Variants in IKBKB observed in about 807,000 individuals in gnomAD.
IKBKB encodes the protein inhibitor of nuclear factor kappa-B kinase subunit beta.
In IKBKB, 42 loss-of-function variants were observed where a neutral mutation model predicts 113.6. That is an observed-to-expected ratio of 0.37 (90% CI 0.29 to 0.48). IKBKB has a LOEUF of 0.48. IKBKB is among the 20% of genes least tolerant of loss of function. The pLI is 0.99. For synonymous variants in IKBKB, 296 were observed against 361.3 expected, an observed-to-expected ratio of 0.82 and a Z score of 2.05; for missense variants, 673 against 939.7, an observed-to-expected ratio of 0.72 and a Z score of 3.71.
chr8:42,271,636 C>T (rs942408372), intron 1 of IKBKB, 167 bp downstream of exon 1: 16 of 546,460 alleles, frequency 2.9e-5, no homozygotes, highest in Non-Finnish European at 4.5e-5. Flanking sequence ...AGAAACAGCT[C>T]TCCCTGGGGT....
intron 9 of IKBKB, among the ~76,000 whole-genome samples, chr8:42,314,657 C>T (rs1384787990): frequency 1.3e-5 from 2 of 151,860 alleles, no homozygotes; most frequent in Non-Finnish European, 2.9e-5. Context: ...CACCTGTAAT[C>T]CCAGCTACTC....
chr8:42,323,757 C>T (rs1034214536), intron 19 of IKBKB, among the ~76,000 whole-genome samples: 6 of 152,064 alleles, frequency 3.9e-5, no homozygotes, highest in African/African-American at 7.2e-5. Context: ...AAGAGAGGAA[C>T]GGGAGAAAAC....
chr8:42,330,269 T>A, intron 21 of IKBKB: 1 of 985,024 alleles, frequency 1.0e-6, no homozygotes, highest in Non-Finnish European at 1.2e-6. Context: ...CTGTACAGTT[T>A]GAATATGTAA....
rs200750621 is a variant in IKBKB at position 42,331,423 on chromosome 8, G to T, written c.*444G>T. The T allele has an allele frequency of 2.8e-6, 2 of 702,654 alleles. No individual in the cohort carries two copies. Among genetic ancestry groups the T allele is most frequent in the South Asian group, 1.5e-5 (1 of 67,568 alleles). 43.5% of individuals were successfully genotyped at this position (702,654 alleles called of 1,614,324 possible). A position where few individuals can be genotyped will look rare whatever the true frequency, so the allele number is the denominator to read the frequency against. Reference sequence around the variant, plus strand: ...TCTTTCAGGGCAGAGTCCGAGCAGCGCTTGGTGACAGCCTGTCCTCTCCTG... The same window carrying T: ...TCTTTCAGGGCAGAGTCCGAGCAGCTCTTGGTGACAGCCTGTCCTCTCCTG... On this transcript the variant is annotated 3_prime_UTR_variant, in exon 22 of 22. Coordinates refer to ENST00000520810, the MANE Select transcript of IKBKB (RefSeq NM_001556.3).
Position 42,331,514 on chromosome 8 carries a change from TCTC to T in IKBKB, c.*538_*540del. 11 of 652,914 alleles carry T rather than the reference TCTC, an allele frequency of 1.7e-5. No individual in the cohort carries two copies. The highest frequency in any genetic ancestry group is 1.4e-5 in the Non-Finnish European group (5 of 360,480). 40.4% of individuals were successfully genotyped at this position (652,914 alleles called of 1,614,324 possible). A position where few individuals can be genotyped will look rare whatever the true frequency, so the allele number is the denominator to read the frequency against. ...GCTTGTGTTTCTTCTGGATTCAGCT[TCTC>T]CTAAACAGACAGTTTAATTATAGTT... On this transcript the variant is annotated 3_prime_UTR_variant, in exon 22 of 22. Coordinates refer to ENST00000520810, the MANE Select transcript of IKBKB (RefSeq NM_001556.3).
At chr8:42,320,259 G>T (rs1208276102) in intron 15 of IKBKB, 1 of 164,548 alleles carries the variant, frequency 6.1e-6, no homozygotes, top group East Asian at 1.9e-4. Flanking sequence ...GAGTATATGT[G>T]TGTTTAATGG....
rs200049942 is a variant in IKBKB, at chr8:42,331,646, C to T, written c.*667C>T. ...TGTCCTCTTTTCGGCAAAGTTGGAG[C>T]GAGTGCCAAGCTCTCCATCTGTGGT... On this transcript the variant is annotated 3_prime_UTR_variant, in exon 22 of 22. Coordinates refer to ENST00000520810, the MANE Select transcript of IKBKB (RefSeq NM_001556.3). The T allele has an allele frequency of 1.6e-4, 86 of 543,162 alleles. No individual in the cohort carries two copies. The highest frequency in any genetic ancestry group is 2.3e-4 in the African/African-American group (12 of 52,838). 33.6% of individuals were successfully genotyped at this position (543,162 alleles called of 1,614,324 possible).
chr8:42,287,448 CTT>C (rs1309257278), intron 2 of IKBKB, among the ~76,000 whole-genome samples: 1 of 152,270 alleles, frequency 6.6e-6, no homozygotes, highest in Non-Finnish European at 1.5e-5. Context: ...GTGAGACCCT[CTT>C]GAGCTCGGCA....
At chr8:42,328,928 T>C (rs901954278) in intron 20 of IKBKB, among the ~76,000 whole-genome samples, 196 bp from the exon 21 acceptor site, 2 of 152,230 alleles carry the variant, frequency 1.3e-5, no homozygotes, top group African/African-American at 4.8e-5. Context: ...ACAGTAACGC[T>C]CATATGTGGA....
chr8:42,277,345 G>A (rs564423083), intron 2 of IKBKB, among the ~76,000 whole-genome samples: 1 of 151,842 alleles, frequency 6.6e-6, no homozygotes, highest in Admixed American at 6.6e-5. Context: ...ACCATGCCTG[G>A]CTAGTTTTTA....
In IKBKB at chr8:42,317,641, C is replaced by T. The variant is rs760578621; in HGVS notation, c.1126-16C>T. 1 of 1,509,242 alleles carries T rather than the reference C, an allele frequency of 6.6e-7. No homozygotes were observed. The highest frequency in any genetic ancestry group is 1.1e-5 in the South Asian group (1 of 88,962). The allele number at this position is 1,509,242 out of a possible 1,614,324, so 93.5% of individuals were successfully genotyped here. A position where few individuals can be genotyped will look rare whatever the true frequency, so the allele number is the denominator to read the frequency against. ...GTTGGATCCACAAGATTCATTTTGTCCTTGTCCCTTTGCAGTTAAATGAGG... is the reference window on the plus strand; with the variant it reads ...GTTGGATCCACAAGATTCATTTTGTTCTTGTCCCTTTGCAGTTAAATGAGG... On this transcript the variant is annotated splice_polypyrimidine_tract_variant and intron_variant, in intron 11 of 21. Transcript: ENST00000520810.
chr8:42,292,981 G>A lies in IKBKB; in HGVS notation c.319-462G>A, dbSNP rs182797726. On this transcript the variant is annotated intron_variant, in intron 4 of 21. Coordinates refer to ENST00000520810, the MANE Select transcript of IKBKB (RefSeq NM_001556.3). ...GCAGAGCTCTTCCGGCCCCTGGCAC[G>A]TAGTAAGTGCTCAGTAACTGTTCTC... 4.1e-3 allele frequency among the ~76,000 whole-genome samples: 619 copies of A among 152,290 alleles called. 4 individuals are homozygous for A. The highest frequency in any genetic ancestry group is 0.014 in the African/African-American group (598 of 41,554).
At chr8:42,288,824 C>T in intron 3 of IKBKB, 96 bp downstream of exon 3, 1 of 962,346 alleles carries the variant, frequency 1.0e-6, no homozygotes, top group Non-Finnish European at 1.6e-6. Context: ...TGGCTCACGC[C>T]TGTAATCCTA....
Position 42,330,996 on chromosome 8 carries a change from C to G in IKBKB, c.*17C>G. On this transcript the variant is annotated 3_prime_UTR_variant, in exon 22 of 22. Transcript: ENST00000520810. Reference sequence around the variant, plus strand: ...GCCTCATGATGTGGGGGGACTCGACCCCCTGACATGGGGCAGCCCATAGCA... The same window carrying G: ...GCCTCATGATGTGGGGGGACTCGACGCCCTGACATGGGGCAGCCCATAGCA... 6.2e-7 allele frequency: 1 copy of G among 1,602,956 alleles called. No homozygotes were observed. Among genetic ancestry groups the G allele is most frequent in the South Asian group, 1.1e-5 (1 of 90,166 alleles).
intron 5 of IKBKB, among the ~76,000 whole-genome samples, chr8:42,295,115 TC>T (rs1333228881): frequency 2.7e-5 from 4 of 147,254 alleles, no homozygotes; most frequent in Non-Finnish European, 6.0e-5. Context: ...ATTACGAAAG[TC>T]TTTTTTTTTT....
intron 2 of IKBKB, among the ~76,000 whole-genome samples, chr8:42,273,036 G>A (rs762771967): frequency 6.6e-6 from 1 of 152,040 alleles, no homozygotes; most frequent in Non-Finnish European, 1.5e-5. Flanking sequence ...TTGTCCAGGA[G>A]TTTGAGGCTG....
chr8:42,271,792 G>T, intron 1 of IKBKB: 2 of 515,812 alleles, frequency 3.9e-6, no homozygotes, highest in South Asian at 5.0e-5. Flanking sequence ...GCCCCTGGTG[G>T]AGTCAGCTGG....
intron 2 of IKBKB, among the ~76,000 whole-genome samples, chr8:42,279,759 G>T (rs368309663): frequency 6.6e-6 from 1 of 150,476 alleles, no homozygotes; most frequent in Admixed American, 6.6e-5. Flanking sequence ...GAGGACTCAG[G>T]GGGAGGCCTT....
rs70958394 is a variant in IKBKB, at chr8:42,331,218, C to A, written c.*239C>A. On this transcript the variant is annotated 3_prime_UTR_variant, in exon 22 of 22. Coordinates refer to ENST00000520810, the MANE Select transcript of IKBKB (RefSeq NM_001556.3). Reference sequence around the variant, plus strand: ...CACCCAGGACCCAGGACGCAGCCCTCCGTGGGCACTGCCGGCGCCTTGTCT... The same window carrying A: ...CACCCAGGACCCAGGACGCAGCCCTACGTGGGCACTGCCGGCGCCTTGTCT... 0.01 allele frequency: 7,343 copies of A among 731,078 alleles called. 394 individuals carry two copies. In the Admixed American group the frequency reaches 0.1, roughly 10 times the overall value. The allele number at this position is 731,078 out of a possible 1,614,324, so 45.3% of individuals were successfully genotyped here.
Sources: allele counts gnomAD v4.1 joint callset (sites outside exome capture counted in the v4.1 genomes callset), GRCh38; gene constraint gnomAD v4.1.1; transcripts MANE v1.5; gene names NCBI Gene and HGNC (gene_info 2026-07-23, HGNC 2026-07-21).